LINGO2: variants seen among roughly 807,000 people sequenced by gnomAD.
The protein encoded by LINGO2 is leucine-rich repeat and immunoglobulin-like domain-containing nogo receptor-interacting protein 2.
Under a neutral mutation model 30.6 loss-of-function variants are expected in LINGO2, and 14 were observed. That is an observed-to-expected ratio of 0.46 (90% CI 0.30 to 0.72). The LOEUF (loss-of-function observed/expected upper bound fraction) is 0.72, where lower values mean the gene tolerates loss of function less well. Ranked by LOEUF, LINGO2 falls within the 30% of genes least tolerant of loss-of-function variation. LINGO2 has a pLI of 0.07. For missense variants in LINGO2, 729 were observed against 751.7 expected, an observed-to-expected ratio of 0.97 and a Z score of 0.35; for synonymous variants, 317 against 288.5, an observed-to-expected ratio of 1.10 and a Z score of -1.00.
At chr9:28,580,923 A>AT (rs1173465328) in intron 1 of LINGO2, among the ~76,000 whole-genome samples, 3 of 151,820 alleles carry the variant, frequency 2.0e-5, no homozygotes, top group Admixed American at 6.6e-5. Context: ...AAAAATAAAC[A>AT]TTTTTTCACT....
intron 3 of LINGO2, among the ~76,000 whole-genome samples, chr9:28,312,580 T>A (rs1824672537): frequency 6.6e-6 from 1 of 152,178 alleles, no homozygotes; most frequent in East Asian, 1.9e-4. Flanking sequence ...AATGCTTTAT[T>A]CTAATTAAGG....
At chr9:28,891,386 G>A in the LINGO2 span, among the ~76,000 whole-genome samples, 1,909 of 151,820 alleles carry the variant, frequency 0.013, 18 homozygotes, top group Non-Finnish European at 0.02. Flanking sequence ...TGAGGGTAAG[G>A]AATGGAACAG....
rs1206241861 is a variant in LINGO2, at chr9:28,279,100, A to G, written c.-87+16108T>C. Among the ~76,000 whole-genome samples, 7 of 152,188 alleles carry G rather than the reference A, an allele frequency of 4.6e-5. No homozygotes were observed. In the East Asian group the frequency reaches 1.3e-3, roughly 29 times the overall value. On this transcript the variant is annotated intron_variant, in intron 4 of 5. Coordinates refer to ENST00000379992, the Ensembl canonical transcript of LINGO2. ...GAATTAGAAGTAAAGGTAGATCCTGAAGATGTGACTAAATTGCTACAATCT... is the reference window on the plus strand; with the variant it reads ...GAATTAGAAGTAAAGGTAGATCCTGGAGATGTGACTAAATTGCTACAATCT...
chr9:28,296,837 T>C (rs927247840), intron 3 of LINGO2, among the ~76,000 whole-genome samples: 1 of 152,152 alleles, frequency 6.6e-6, no homozygotes, highest in African/African-American at 2.4e-5. Context: ...TGATCCAAGT[T>C]GTGGTACTTA....
At chr9:28,802,014 TTTATA>T in the LINGO2 span, among the ~76,000 whole-genome samples, 20 of 151,830 alleles carry the variant, frequency 1.3e-4, no homozygotes, top group Admixed American at 2.0e-4. Flanking sequence ...ATATGATACA[TTTATA>T]TTATAACAAA....
At chr9:28,260,846 G>T (rs561371057) in intron 4 of LINGO2, among the ~76,000 whole-genome samples, 1 of 151,860 alleles carries the variant, frequency 6.6e-6, no homozygotes, top group Non-Finnish European at 1.5e-5. Context: ...TGATGCTGGG[G>T]TTTTATAAAT....
At chr9:28,545,206 T>A (rs1821878046) in intron 1 of LINGO2, among the ~76,000 whole-genome samples, 1 of 152,008 alleles carries the variant, frequency 6.6e-6, no homozygotes, top group Admixed American at 6.6e-5. Context: ...TTAACTGAAC[T>A]GAGGGGAGGC....
At chr9:28,902,205 AG>A in the LINGO2 span, among the ~76,000 whole-genome samples, 1 of 152,160 alleles carries the variant, frequency 6.6e-6, no homozygotes, top group African/African-American at 2.4e-5. Context: ...TAAAGAGAGC[AG>A]GTATAGCTAT....
chr9:28,176,988 C>T (rs1828768734), intron 4 of LINGO2, among the ~76,000 whole-genome samples: 1 of 152,200 alleles, frequency 6.6e-6, no homozygotes, highest in Admixed American at 6.5e-5. Flanking sequence ...AATACTTCCT[C>T]ATTTGTCAAG....
At chr9:28,544,334 T>C (rs1821836873) in intron 1 of LINGO2, among the ~76,000 whole-genome samples, 1 of 152,178 alleles carries the variant, frequency 6.6e-6, no homozygotes, top group African/African-American at 2.4e-5. Context: ...AATTAAAAAC[T>C]ACTGTATCTG....
intron 4 of LINGO2, among the ~76,000 whole-genome samples, chr9:28,039,906 G>T (rs1824119996): frequency 6.6e-6 from 1 of 152,068 alleles, no homozygotes; most frequent in African/African-American, 2.4e-5. Flanking sequence ...GAGATATACT[G>T]GAGGATCAGC....
At chr9:28,671,545 A>C (rs1207298639), upstream of LINGO2, among the ~76,000 whole-genome samples, 4 of 151,104 alleles carry the variant, frequency 2.6e-5, no homozygotes, top group Admixed American at 2.0e-4. Context: ...ACAGGAACAG[A>C]AAACCACATA....
At chr9:28,696,203 A>G in the LINGO2 span, among the ~76,000 whole-genome samples, 4 of 151,948 alleles carry the variant, frequency 2.6e-5, no homozygotes, top group Non-Finnish European at 4.4e-5. Context: ...CTACTTTGAC[A>G]ACAAACAACT....
intron 1 of LINGO2, among the ~76,000 whole-genome samples, chr9:28,535,747 G>T (rs1821413331): frequency 6.7e-6 from 1 of 149,864 alleles, no homozygotes; most frequent in Non-Finnish European, 1.5e-5. Flanking sequence ...CACACACACG[G>T]AGCTAAACTG....
chr9:29,015,676 T>C, the LINGO2 span, among the ~76,000 whole-genome samples: 5 of 152,132 alleles, frequency 3.3e-5, no homozygotes, highest in African/African-American at 1.2e-4. Flanking sequence ...TAAAAAAATA[T>C]ATAGGGTAAT....
At chr9:28,522,792 G>T (rs1214979534) in intron 1 of LINGO2, among the ~76,000 whole-genome samples, 1 of 151,876 alleles carries the variant, frequency 6.6e-6, no homozygotes, top group Admixed American at 6.6e-5. Context: ...AATTATAAAT[G>T]AAGTACATAG....
chr9:28,128,443 G>A (rs957842870), intron 4 of LINGO2, among the ~76,000 whole-genome samples: 1 of 152,152 alleles, frequency 6.6e-6, no homozygotes. Flanking sequence ...TATATATGTA[G>A]GTGAAAAATA....
At chr9:28,639,919 T>A (rs7023186) in intron 1 of LINGO2, among the ~76,000 whole-genome samples, 9 of 152,048 alleles carry the variant, frequency 5.9e-5, no homozygotes, top group African/African-American at 2.2e-4. Context: ...CTAGCCTTGA[T>A]GGTCTTTACA....
chr9:28,124,593 A>G (rs1827188214), intron 4 of LINGO2, among the ~76,000 whole-genome samples: 1 of 152,124 alleles, frequency 6.6e-6, no homozygotes, highest in South Asian at 2.1e-4. Context: ...ATAATTTTTT[A>G]TTTACCTCTG....
Sources: allele counts gnomAD v4.1 joint callset (sites outside exome capture counted in the v4.1 genomes callset), GRCh38; gene constraint gnomAD v4.1.1; transcripts MANE v1.5; gene names NCBI Gene and HGNC (gene_info 2026-07-23, HGNC 2026-07-21).